The following BAALC variants were observed in gnomAD, a reference collection of about 807,000 sequenced individuals.
BAALC encodes the protein BAALC binder of MAP3K1 and KLF4.
A neutral mutation model predicts 15.5 loss-of-function variants in BAALC; 9 were observed. The ratio of observed to expected loss-of-function variants is 0.58; its 90% CI spans 0.35 to 1.02. BAALC has a LOEUF of 1.02. Among genes scored for constraint, BAALC ranks in the 50% least tolerant of loss-of-function variants. The pLI is 0.02. For synonymous variants in BAALC, 80 were observed against 74.6 expected (o/e 1.07, Z -0.37); for missense variants, 201 against 192.4 (o/e 1.04, Z -0.27).
chr8:103,144,281 G>C (rs1455763648), intron 1 of BAALC, among the ~76,000 whole-genome samples: 2 of 152,170 alleles, frequency 1.3e-5, no homozygotes, highest in African/African-American at 4.8e-5. Flanking sequence ...AAATGATCCT[G>C]AGCCTGTGGT....
chr8:103,197,583 C>T (rs1157433930), intron 1 of BAALC, among the ~76,000 whole-genome samples: 1 of 152,112 alleles, frequency 6.6e-6, no homozygotes, highest in Non-Finnish European at 1.5e-5. Context: ...TAAAGAAGTA[C>T]TTGAGGCTGG....
intron 1 of BAALC, among the ~76,000 whole-genome samples, chr8:103,204,684 T>C (rs752552288): frequency 2.0e-4 from 31 of 152,198 alleles, no homozygotes; most frequent in Non-Finnish European, 4.6e-4. Flanking sequence ...TCTTTACCCA[T>C]TGAAGTGTCT....
At chr8:103,187,040 C>T (rs1029202067) in intron 1 of BAALC, among the ~76,000 whole-genome samples, 1 of 152,168 alleles carries the variant, frequency 6.6e-6, no homozygotes, top group Admixed American at 6.5e-5. Context: ...ATATCGGCCA[C>T]GTGCTGTTCT....
chr8:103,147,669 A>G (rs4734690), intron 1 of BAALC, among the ~76,000 whole-genome samples: 53,980 of 151,886 alleles, frequency 0.36, 9,689 homozygotes, highest in Middle Eastern at 0.48. Context: ...GCCCTTGTGA[A>G]GTTGGGTGTC....
chr8:103,183,139 G>A (rs1313308565), intron 1 of BAALC, among the ~76,000 whole-genome samples: 1 of 152,200 alleles, frequency 6.6e-6, no homozygotes, highest in Non-Finnish European at 1.5e-5. Flanking sequence ...GGGAAGTGCT[G>A]CTGGGGAGCT....
intron 1 of BAALC, among the ~76,000 whole-genome samples, chr8:103,189,635 GA>G (rs1811921619): frequency 6.6e-6 from 1 of 152,238 alleles, no homozygotes; most frequent in African/African-American, 2.4e-5. Context: ...CACCAGACTG[GA>G]AAGGTGAAGG....
At chr8:103,163,887 G>A (rs932758363) in intron 1 of BAALC, among the ~76,000 whole-genome samples, 9 of 152,178 alleles carry the variant, frequency 5.9e-5, no homozygotes, top group African/African-American at 1.9e-4. Flanking sequence ...CCACCCTAGA[G>A]TGAGTGCTGT....
At chr8:103,203,716 G>A (rs752489888) in intron 1 of BAALC, among the ~76,000 whole-genome samples, 19 of 152,272 alleles carry the variant, frequency 1.2e-4, no homozygotes, top group Admixed American at 2.0e-4. Flanking sequence ...TTCACGTAGC[G>A]TAATGGTTTC....
Position 103,183,183 on chromosome 8 carries a change from A to T in BAALC, c.161-29736A>T, listed in dbSNP as rs554969787. On this transcript the variant is annotated intron_variant, in intron 1 of 2. Transcript: ENST00000309982. ...CAGGATTGCCATTTCAGCCTTTGTC[A>T]TAGGAAATGAGGTCTGCCAAGGAGA... is the stretch of plus-strand genomic sequence containing the variant. Among the ~76,000 whole-genome samples the T allele has an allele frequency of 5.9e-5, 9 of 152,328 alleles. No individual in the cohort carries two copies. The South Asian group carries it at 1.9e-3, about 32-fold the overall frequency.
chr8:103,167,037 G>A (rs1811365218), intron 1 of BAALC, among the ~76,000 whole-genome samples: 1 of 152,122 alleles, frequency 6.6e-6, no homozygotes, highest in African/African-American at 2.4e-5. Flanking sequence ...AGTCTCTTAA[G>A]TCCACTATTA....
intron 2 of BAALC, among the ~76,000 whole-genome samples, chr8:103,218,508 A>G (rs1442927185): frequency 6.6e-6 from 1 of 151,762 alleles, no homozygotes; most frequent in East Asian, 1.9e-4. Flanking sequence ...GCCTCCAAAC[A>G]TTTACTCTCT....
chr8:103,225,926 T>C (rs1812798631), intron 2 of BAALC, among the ~76,000 whole-genome samples: 1 of 152,218 alleles, frequency 6.6e-6, no homozygotes, highest in Non-Finnish European at 1.5e-5. Flanking sequence ...GAAACATACA[T>C]ATCGTTTGCT....
intron 2 of BAALC, 101 bp downstream of exon 2, chr8:103,213,186 G>C: frequency 7.7e-7 from 1 of 1,295,582 alleles, no homozygotes; most frequent in Non-Finnish European, 1.0e-6. Flanking sequence ...AGGGACCAGG[G>C]ATGGCTCATC....
At chr8:103,182,331 C>G (rs746452221) in intron 1 of BAALC, among the ~76,000 whole-genome samples, 10 of 152,192 alleles carry the variant, frequency 6.6e-5, no homozygotes, top group Non-Finnish European at 1.5e-4. Context: ...GTGCTTGATT[C>G]AGCTGCTCTT....
intron 1 of BAALC, among the ~76,000 whole-genome samples, chr8:103,150,390 T>C (rs935254760): frequency 6.6e-6 from 1 of 151,868 alleles, no homozygotes; most frequent in African/African-American, 2.4e-5. Flanking sequence ...TGTCTGTGTG[T>C]GTGTGTGTGC....
chr8:103,149,168 C>T (rs1810931801), intron 1 of BAALC, among the ~76,000 whole-genome samples: 1 of 908 alleles, frequency 1.1e-3, no homozygotes, highest in African/African-American at 5.1e-3. Flanking sequence ...AATGTAGTAC[C>T]CTCCCCCCAC....
chr8:103,164,362 C>T (rs2129916986), intron 1 of BAALC, among the ~76,000 whole-genome samples: 1 of 152,214 alleles, frequency 6.6e-6, no homozygotes, highest in East Asian at 1.9e-4. Context: ...GGCTTTATTC[C>T]AGTGTCAACG....
chr8:103,155,011 CA>C (rs1313392024), intron 1 of BAALC, among the ~76,000 whole-genome samples: 2 of 151,692 alleles, frequency 1.3e-5, no homozygotes, highest in East Asian at 3.9e-4. Context: ...CAACATATTG[CA>C]AAGCTTGTTT....
intron 1 of BAALC, among the ~76,000 whole-genome samples, chr8:103,209,358 C>T (rs146373793): frequency 0.065 from 9,948 of 152,036 alleles, 441 homozygotes; most frequent in Non-Finnish European, 0.1. Context: ...GGCAACAGAG[C>T]GAGACTCCAT....
Sources: allele counts gnomAD v4.1 joint callset (sites outside exome capture counted in the v4.1 genomes callset), GRCh38; gene constraint gnomAD v4.1.1; transcripts MANE v1.5; gene names NCBI Gene and HGNC (gene_info 2026-07-23, HGNC 2026-07-21).